The following N4BP2L2 variants were observed in gnomAD, a reference collection of about 807,000 sequenced individuals.
N4BP2L2 encodes the protein NEDD4-binding protein 2-like 2.
A neutral mutation model predicts 56.2 loss-of-function variants in N4BP2L2; 50 were observed. That is an observed-to-expected ratio of 0.89 (90% confidence interval 0.71 to 1.13). N4BP2L2 has a LOEUF of 1.13. N4BP2L2 is among the 50% of genes most tolerant of loss of function. The probability of loss-of-function intolerance (pLI) is 0.00; values close to 1 mark genes in which losing one functional copy is unlikely to be tolerated. For synonymous variants in N4BP2L2, 203 were observed against 223.6 expected (o/e 0.91, Z 0.82); for missense variants, 689 against 693.8 (o/e 0.99, Z 0.08).
chr13:32,459,017 T>C (rs1360632012), intron 6 of N4BP2L2, among the ~76,000 whole-genome samples: 2 of 152,096 alleles, frequency 1.3e-5, no homozygotes, highest in Non-Finnish European at 1.5e-5. Context: ...CACATGGAAA[T>C]TAAACTATAT....
At chr13:32,454,654 A>C (rs2078660145) in intron 6 of N4BP2L2, among the ~76,000 whole-genome samples, 1 of 152,236 alleles carries the variant, frequency 6.6e-6, no homozygotes. Flanking sequence ...CTAAAAACAA[A>C]TAAGAACAAT....
chr13:32,526,856 T>TA (rs934173864), intron 3 of N4BP2L2: 3 of 148,012 alleles, frequency 2.0e-5, no homozygotes, highest in African/African-American at 7.6e-5. Flanking sequence ...TGCTTTTTTT[T>TA]AAAGTCCCCA....
intron 6 of N4BP2L2, among the ~76,000 whole-genome samples, chr13:32,462,676 A>G (rs1159930188): frequency 6.6e-6 from 1 of 152,036 alleles, no homozygotes. Flanking sequence ...AAATACCCTG[A>G]CTGATTATTA....
chr13:32,500,777 T>C (rs2089846335), intron 6 of N4BP2L2, among the ~76,000 whole-genome samples: 1 of 151,696 alleles, frequency 6.6e-6, no homozygotes, highest in African/African-American at 2.4e-5. Flanking sequence ...TCTTAAAATA[T>C]TATAAATGTC....
At chr13:32,460,017 A>C (rs998629372) in intron 6 of N4BP2L2, among the ~76,000 whole-genome samples, 1 of 152,224 alleles carries the variant, frequency 6.6e-6, no homozygotes, top group African/African-American at 2.4e-5. Context: ...CAAATCAATA[A>C]ACATGACACA....
In N4BP2L2 at chr13:32,433,605, G is replaced by A. The variant is rs561359774; in HGVS notation, c.*22-633C>T. The stretch of plus-strand genomic sequence containing the variant: ...CCACTGTACTCCAGCCTGGGCGACA[G>A]AGCAAGATTCCATCTCAAAATAATA... On this transcript the variant is annotated intron_variant, in intron 9 of 9. Transcript: ENST00000357505. Among the ~76,000 whole-genome samples, 10 of 149,982 alleles carry A rather than the reference G, an allele frequency of 6.7e-5. No individual in the cohort carries two copies. The East Asian group carries it at 1.8e-3, about 27-fold the overall frequency.
exon 7 of N4BP2L2, chr13:32,443,654 C>T (rs780459249): frequency 6.2e-7 from 1 of 1,611,464 alleles, no homozygotes; most frequent in South Asian, 1.1e-5. Context: ...TGCTTTTCTA[C>T]CTTCATGCCA....
chr13:32,433,656 G>A (rs1053742793), intron 9 of N4BP2L2, among the ~76,000 whole-genome samples: 19 of 150,564 alleles, frequency 1.3e-4, no homozygotes, highest in Non-Finnish European at 2.4e-4. Flanking sequence ...GCTGGGCACG[G>A]TGGCTCATGC....
intron 6 of N4BP2L2, among the ~76,000 whole-genome samples, chr13:32,450,539 C>T (rs879926344): frequency 2.6e-4 from 40 of 151,974 alleles, no homozygotes; most frequent in Middle Eastern, 3.4e-3. Context: ...TTAACCAGGA[C>T]GGTCTCGATC....
intron 6 of N4BP2L2, among the ~76,000 whole-genome samples, chr13:32,464,691 G>A (rs2080893276): frequency 6.6e-6 from 1 of 152,058 alleles, no homozygotes; most frequent in African/African-American, 2.4e-5. Flanking sequence ...TATCTAGAGT[G>A]TATTCTCTCT....
At chr13:32,531,870 G>A (rs913105927) in intron 2 of N4BP2L2, among the ~76,000 whole-genome samples, 2 of 152,192 alleles carry the variant, frequency 1.3e-5, no homozygotes, top group Non-Finnish European at 2.9e-5. Context: ...GTTCCTTCTG[G>A]AGGCTCTACA....
At chr13:32,471,066 G>A (rs1190502295) in intron 6 of N4BP2L2, among the ~76,000 whole-genome samples, 2 of 152,206 alleles carry the variant, frequency 1.3e-5, no homozygotes, top group Non-Finnish European at 2.9e-5. Flanking sequence ...TGATCAACAA[G>A]GAGGTGACAC....
At position 32,476,780 on chromosome 13, in the gene N4BP2L2, A is replaced by G. The variant is rs193162025; in HGVS notation, c.366-32654T>C. On this transcript the variant is annotated intron_variant, in intron 6 of 9. Coordinates refer to the N4BP2L2 transcript ENST00000357505. The stretch of plus-strand genomic sequence containing the variant: ...TAAAATAACCACATTCACTATTTAT[A>G]AAGATACTTCTAAACTGACTGTAGG... Among the ~76,000 whole-genome samples the G allele has an allele frequency of 3.9e-5, 6 of 152,340 alleles. No individual in the cohort carries two copies. In the East Asian group the frequency reaches 1.2e-3, roughly 29 times the overall value.
intron 2 of N4BP2L2, among the ~76,000 whole-genome samples, chr13:32,529,989 G>A (rs1257375772): frequency 3.3e-5 from 5 of 152,132 alleles, no homozygotes; most frequent in Non-Finnish European, 1.5e-5. Context: ...GCCTCCTAAA[G>A]TGCTGGGATT....
chr13:32,517,165 G>C, exon 6 of N4BP2L2: 3 of 985,384 alleles, frequency 3.0e-6, no homozygotes, highest in Non-Finnish European at 3.6e-6. Context: ...GGTTGAGAAG[G>C]AGGATGATAA....
chr13:32,494,259 G>C (rs1241225228), intron 6 of N4BP2L2, among the ~76,000 whole-genome samples: 2 of 151,728 alleles, frequency 1.3e-5, no homozygotes, highest in Non-Finnish European at 2.9e-5. Context: ...CTCTAACCTG[G>C]GCAACAGAGT....
At chr13:32,442,377 A>G in intron 7 of N4BP2L2, 1 of 1,547,686 alleles carries the variant, frequency 6.5e-7, no homozygotes, top group Non-Finnish European at 8.7e-7. Flanking sequence ...TAGCAAAAGA[A>G]AACAACTTAC....
chr13:32,439,286 T>C (rs372324097), intron 7 of N4BP2L2, among the ~76,000 whole-genome samples: 2 of 152,234 alleles, frequency 1.3e-5, no homozygotes, highest in Admixed American at 6.5e-5. Context: ...TTTATGTTAG[T>C]CTTGTCTCCC....
intron 2 of N4BP2L2, among the ~76,000 whole-genome samples, chr13:32,527,837 T>C (rs558095497): frequency 1.3e-5 from 2 of 151,516 alleles, no homozygotes; most frequent in East Asian, 3.9e-4. Context: ...AGTGGCACGA[T>C]CTTGGCTCAC....
Sources: allele counts gnomAD v4.1 joint callset (sites outside exome capture counted in the v4.1 genomes callset), GRCh38; gene constraint gnomAD v4.1.1; transcripts MANE v1.5; gene names NCBI Gene and HGNC (gene_info 2026-07-23, HGNC 2026-07-21).